ARID1B: variants seen among roughly 807,000 people sequenced by gnomAD.
ARID1B encodes the protein AT-rich interaction domain 1B.
A neutral mutation model predicts 212.3 loss-of-function variants in ARID1B; 30 were observed. The ratio of observed to expected loss-of-function variants is 0.14; its 90% CI spans 0.11 to 0.19. The LOEUF is 0.19. Ranked by LOEUF, ARID1B falls within the 10% of genes least tolerant of loss-of-function variation. The pLI is 1.00. For synonymous variants in ARID1B, 1,402 were observed against 1,301.7 expected (o/e 1.08, Z -1.66); for missense variants, 2,891 against 3,204.0 (o/e 0.90, Z 2.36).
At chr6:157,082,939 T>C (rs919524055) in intron 4 of ARID1B, among the ~76,000 whole-genome samples, 2 of 152,236 alleles carry the variant, frequency 1.3e-5, no homozygotes, top group African/African-American at 4.8e-5. Context: ...CTTTAGAATA[T>C]GATTTTTAAA....
At chr6:156,789,835 TAACTC>T (rs1160332622) in intron 1 of ARID1B, among the ~76,000 whole-genome samples, 2 of 152,216 alleles carry the variant, frequency 1.3e-5, no homozygotes, top group African/African-American at 4.8e-5. Flanking sequence ...AAAGGATACT[TAACTC>T]ATGGAATTTT....
intron 2 of ARID1B, among the ~76,000 whole-genome samples, chr6:156,899,313 G>C (rs900645537): frequency 1.3e-5 from 2 of 152,120 alleles, no homozygotes; most frequent in South Asian, 4.2e-4. Context: ...TGAGCAATCC[G>C]TCCCATCATG....
intron 13 of ARID1B, 114 bp downstream of exon 13, chr6:157,184,549 G>A (rs914140954): frequency 8.2e-7 from 1 of 1,214,362 alleles, no homozygotes; most frequent in Non-Finnish European, 1.2e-6. Flanking sequence ...CTTTTGAGAG[G>A]TGGGGGGTTC....
At chr6:156,948,091 A>C (rs1583010485) in intron 4 of ARID1B, among the ~76,000 whole-genome samples, 1 of 152,324 alleles carries the variant, frequency 6.6e-6, no homozygotes, top group African/African-American at 2.4e-5. Flanking sequence ...CAAAGCTAAA[A>C]CAGTCTCTCC....
chr6:157,132,774 C>T (rs1788636642), intron 6 of ARID1B, among the ~76,000 whole-genome samples: 1 of 152,212 alleles, frequency 6.6e-6, no homozygotes, highest in Non-Finnish European at 1.5e-5. Context: ...TCCTTCTCCC[C>T]TCCCTAATTG....
intron 4 of ARID1B, among the ~76,000 whole-genome samples, chr6:157,039,646 T>TTCCTTCCTTCCTTCC (rs1781612907): frequency 3.4e-5 from 2 of 59,272 alleles, no homozygotes; most frequent in Non-Finnish European, 6.5e-5. Context: ...TCCTTCCTTC[T>TTCCTTCCTTCCTTCC]TTCCTTCCTT....
In ARID1B at chr6:157,210,568, C is replaced by G; in HGVS notation, c.*2677C>G. ...CCCCCGAATCAAGATTTACAGAAGCCCACGAAGAATTTACAGCCTGCTTGA... is the reference window on the plus strand; with the variant it reads ...CCCCCGAATCAAGATTTACAGAAGCGCACGAAGAATTTACAGCCTGCTTGA... On this transcript the variant is annotated 3_prime_UTR_variant, in exon 20 of 20. Transcript: ENST00000636930. The G allele has an allele frequency of 4.3e-6, 1 of 232,494 alleles. No individual in the cohort carries two copies. Among genetic ancestry groups the G allele is most frequent in the Non-Finnish European group, 8.5e-6 (1 of 117,732 alleles). The allele number at this position is 232,494 out of a possible 1,614,324, so 14.4% of individuals were successfully genotyped here.
At chr6:156,942,757 A>G (rs545897656) in intron 4 of ARID1B, 2 of 152,446 alleles carry the variant, frequency 1.3e-5, no homozygotes, top group South Asian at 4.2e-4. Flanking sequence ...TCCTCCTCCT[A>G]TTGCTTCTCC....
chr6:157,160,166 A>G (rs111372543), intron 8 of ARID1B, among the ~76,000 whole-genome samples: 1 of 152,262 alleles, frequency 6.6e-6, no homozygotes, highest in African/African-American at 2.4e-5. Flanking sequence ...TCTTATATAG[A>G]GGGTTCCTGC....
At chr6:156,894,286 C>CGGGAGGTTGGGATGGGGGCCG (rs1788203337) in intron 2 of ARID1B, among the ~76,000 whole-genome samples, 1 of 24,148 alleles carries the variant, frequency 4.1e-5, no homozygotes, top group Non-Finnish European at 7.7e-5. Flanking sequence ...GGATGGGGGC[C>CGGGAGGTTGGGATGGGGGCCG]GGGGGGTTGG....
At chr6:156,923,555 A>G (rs1697177494) in intron 3 of ARID1B, among the ~76,000 whole-genome samples, 2 of 152,298 alleles carry the variant, frequency 1.3e-5, no homozygotes, top group South Asian at 2.1e-4. Flanking sequence ...TTATGGGGTC[A>G]GTGTGGAAAT....
chr6:156,854,097 C>A (rs1784753838), intron 2 of ARID1B, among the ~76,000 whole-genome samples: 1 of 152,194 alleles, frequency 6.6e-6, no homozygotes, highest in Non-Finnish European at 1.5e-5. Flanking sequence ...TTTTCACTCA[C>A]TAAAAAACAA....
chr6:157,127,025 TC>T (rs1788180718), intron 6 of ARID1B, among the ~76,000 whole-genome samples: 1 of 152,226 alleles, frequency 6.6e-6, no homozygotes, highest in Non-Finnish European at 1.5e-5. Context: ...TTAGTTGAAA[TC>T]TGATTTCTTG....
chr6:156,889,770 G>A (rs1413890769), intron 2 of ARID1B, among the ~76,000 whole-genome samples: 2 of 152,140 alleles, frequency 1.3e-5, no homozygotes, highest in Admixed American at 1.3e-4. Flanking sequence ...AAAGAATCAA[G>A]GGACAGACTG....
At chr6:157,133,645 A>C (rs1376288050) in intron 7 of ARID1B, among the ~76,000 whole-genome samples, 2 of 152,172 alleles carry the variant, frequency 1.3e-5, no homozygotes. Flanking sequence ...ATTGCCCCGC[A>C]CATCCCTCCC....
At chr6:156,891,432 A>G (rs1351903841) in intron 2 of ARID1B, among the ~76,000 whole-genome samples, 1 of 152,246 alleles carries the variant, frequency 6.6e-6, no homozygotes, top group Non-Finnish European at 1.5e-5. Flanking sequence ...CTTAGACAGC[A>G]GCAGTAAATA....
chr6:157,077,883 C>T (rs941845642), intron 4 of ARID1B, among the ~76,000 whole-genome samples: 1 of 152,198 alleles, frequency 6.6e-6, no homozygotes, highest in African/African-American at 2.4e-5. Context: ...TTAGATAGGG[C>T]TTGCTTAAGG....
At chr6:156,986,894 A>G (rs1313280287) in intron 4 of ARID1B, among the ~76,000 whole-genome samples, 1 of 152,212 alleles carries the variant, frequency 6.6e-6, no homozygotes, top group Non-Finnish European at 1.5e-5. Context: ...ATAAAACAAC[A>G]TAGGCCGGGT....
chr6:157,111,970 C>G (rs1183502619), intron 6 of ARID1B, among the ~76,000 whole-genome samples: 1 of 152,050 alleles, frequency 6.6e-6, no homozygotes, highest in Non-Finnish European at 1.5e-5. Flanking sequence ...GGCAAGTTCT[C>G]AGATACTGCT....
Sources: gnomAD v4.1 joint callset for allele counts (sites outside exome capture counted in the v4.1 genomes callset) on GRCh38, gnomAD v4.1.1 for gene constraint, MANE v1.5 for transcripts, NCBI Gene and HGNC (gene_info 2026-07-23, HGNC 2026-07-21) for gene names.